EXT2: variants seen among roughly 807,000 people sequenced by gnomAD.
EXT2 encodes exostosin glycosyltransferase 2.
A neutral mutation model predicts 81.6 loss-of-function variants in EXT2; 53 were observed. The ratio of observed to expected loss-of-function variants is 0.65; its 90% CI spans 0.52 to 0.82. EXT2 has a LOEUF of 0.82. Among genes scored for constraint, EXT2 ranks in the 40% least tolerant of loss-of-function variants. The pLI is 0.00. For missense variants in EXT2, 774 were observed against 910.2 expected (o/e 0.85, Z 1.93); for synonymous variants, 320 against 340.0 (o/e 0.94, Z 0.65).
At chr11:44,147,365 G>C (rs185570796) in intron 7 of EXT2, among the ~76,000 whole-genome samples, 125 of 152,294 alleles carry the variant, frequency 8.2e-4, no homozygotes, top group Non-Finnish European at 1.4e-3. Flanking sequence ...AAAGTGTTTA[G>C]AAGATTAAGG....
At chr11:44,124,521 C>CA (rs1954368761) in intron 4 of EXT2, among the ~76,000 whole-genome samples, 1 of 151,348 alleles carries the variant, frequency 6.6e-6, no homozygotes, top group East Asian at 1.9e-4. Context: ...ATATTATAAG[C>CA]ATTTCCTCAC....
chr11:44,224,273 G>A (rs1372920025), intron 10 of EXT2, among the ~76,000 whole-genome samples: 3 of 152,076 alleles, frequency 2.0e-5, no homozygotes, highest in African/African-American at 7.2e-5. Flanking sequence ...TTAGCTTGAT[G>A]TTGGATTGCC....
intron 10 of EXT2, among the ~76,000 whole-genome samples, chr11:44,226,879 G>A (rs1009257414): frequency 1.3e-5 from 2 of 152,258 alleles, no homozygotes; most frequent in African/African-American, 4.8e-5. Context: ...CTCAGGCAGT[G>A]TGTGCAAGGA....
intron 7 of EXT2, among the ~76,000 whole-genome samples, chr11:44,165,361 T>C (rs7941646): frequency 0.031 from 4,651 of 152,326 alleles, 79 homozygotes; most frequent in Middle Eastern, 0.048. Context: ...GGGCTATAAA[T>C]TATAATACCT....
chr11:44,109,577 TC>T (rs1954112948), intron 3 of EXT2, among the ~76,000 whole-genome samples: 4 of 152,164 alleles, frequency 2.6e-5, no homozygotes, highest in Admixed American at 2.0e-4. Flanking sequence ...GCTAGCTCTC[TC>T]TGAATTCGGG....
rs1162454243 is a variant in EXT2, at chr11:44,251,518, C to T, written c.*7231C>T. On this transcript the variant is annotated 3_prime_UTR_variant, in exon 14 of 14. Coordinates refer to ENST00000533608, the MANE Select transcript of EXT2 (RefSeq NM_207122.2). Reference sequence around the variant, plus strand: ...TGAGACCATTATGAGCAGGACACGACATTGTTTCACACCTTGGGCTGTGAC... The same window carrying T: ...TGAGACCATTATGAGCAGGACACGATATTGTTTCACACCTTGGGCTGTGAC... Among the ~76,000 whole-genome samples, 2 of 152,098 alleles carry T rather than the reference C, an allele frequency of 1.3e-5. No homozygotes were observed. Among genetic ancestry groups the T allele is most frequent in the Non-Finnish European group, 2.9e-5 (2 of 68,024 alleles).
At chr11:44,106,443 A>G (rs1954055931) in intron 1 of EXT2, among the ~76,000 whole-genome samples, 1 of 151,812 alleles carries the variant, frequency 6.6e-6, no homozygotes, top group African/African-American at 2.4e-5. Flanking sequence ...TGAAAGATTA[A>G]TTTTTTTTCT....
intron 7 of EXT2, among the ~76,000 whole-genome samples, chr11:44,152,800 T>C (rs1954809768): frequency 6.6e-6 from 1 of 152,220 alleles, no homozygotes; most frequent in South Asian, 2.1e-4. Flanking sequence ...TTTCTTCATA[T>C]GTATTGTTTT....
intron 7 of EXT2, among the ~76,000 whole-genome samples, chr11:44,169,782 C>G (rs1470788418): frequency 6.6e-6 from 1 of 150,972 alleles, no homozygotes; most frequent in Non-Finnish European, 1.5e-5. Context: ...CTTTGAGCAT[C>G]ATGTCAGCAC....
chr11:44,096,294 C>T (rs778390973), intron 1 of EXT2: 43 of 1,535,856 alleles, frequency 2.8e-5, no homozygotes, highest in Admixed American at 1.2e-4. Context: ...TGCGGCATCC[C>T]TTGCGGTGCC....
intron 7 of EXT2, among the ~76,000 whole-genome samples, chr11:44,167,673 TG>T (rs1955012404): frequency 1.3e-5 from 2 of 152,020 alleles, no homozygotes; most frequent in Non-Finnish European, 2.9e-5. Flanking sequence ...AATTAAGAAG[TG>T]TGCTAAAATT....
At chr11:44,201,578 T>C (rs111387559) in intron 9 of EXT2, among the ~76,000 whole-genome samples, 9 of 152,332 alleles carry the variant, frequency 5.9e-5, no homozygotes, top group African/African-American at 1.9e-4. Context: ...CCCCTCTGTG[T>C]CTATTTAGAT....
intron 9 of EXT2, among the ~76,000 whole-genome samples, chr11:44,204,184 A>T (rs1564974643): frequency 1.3e-5 from 2 of 152,050 alleles, no homozygotes; most frequent in Admixed American, 6.6e-5. Flanking sequence ...CATGGAAATT[A>T]TTTTCATAAT....
At chr11:44,129,332 G>A (rs759954318) in intron 6 of EXT2, among the ~76,000 whole-genome samples, 5 of 152,174 alleles carry the variant, frequency 3.3e-5, no homozygotes, top group Non-Finnish European at 5.9e-5. Context: ...TCTTTCAGTG[G>A]CCTACAAGGT....
chr11:44,216,866 G>A (rs1366049151), intron 10 of EXT2, among the ~76,000 whole-genome samples: 1 of 151,178 alleles, frequency 6.6e-6, no homozygotes, highest in Non-Finnish European at 1.5e-5. Context: ...AATTGATAGT[G>A]CACTCTAGAA....
intron 8 of EXT2, among the ~76,000 whole-genome samples, chr11:44,193,114 T>C (rs76833832): frequency 0.046 from 7,042 of 152,032 alleles, 254 homozygotes; most frequent in South Asian, 0.11. Context: ...AAAGAGAAAA[T>C]CATGGAAATA....
intron 1 of EXT2, among the ~76,000 whole-genome samples, chr11:44,100,932 A>G (rs1458691101): frequency 1.3e-5 from 2 of 152,068 alleles, no homozygotes; most frequent in African/African-American, 2.4e-5. Context: ...TCTTGCCTGG[A>G]CACTGTGCAG....
rs115534539 is a variant in EXT2 at position 44,134,059 on chromosome 11, G to T, written c.1173+3921G>T. On this transcript the variant is annotated intron_variant, in intron 7 of 13. Transcript: ENST00000533608. ...GAAAAAAAGTACAACCTGTGTCTCTGGTATCTATTCCTGAAGGCCACCAGT... is the reference window on the plus strand; with the variant it reads ...GAAAAAAAGTACAACCTGTGTCTCTTGTATCTATTCCTGAAGGCCACCAGT... Among the ~76,000 whole-genome samples the T allele has an allele frequency of 6.3e-3, 956 of 152,338 alleles. 9 individuals are homozygous for T. Among genetic ancestry groups the T allele is most frequent in the African/African-American group, 0.021 (874 of 41,586 alleles).
At chr11:44,209,387 T>C (rs1201965868) in intron 10 of EXT2, among the ~76,000 whole-genome samples, 1 of 152,234 alleles carries the variant, frequency 6.6e-6, no homozygotes, top group Non-Finnish European at 1.5e-5. Flanking sequence ...TTATGACTAC[T>C]GCTATTTTCA....
Sources: allele counts gnomAD v4.1 joint callset (sites outside exome capture counted in the v4.1 genomes callset), GRCh38; gene constraint gnomAD v4.1.1; transcripts MANE v1.5; gene names NCBI Gene and HGNC (gene_info 2026-07-23, HGNC 2026-07-21).